PEMT: variants seen among roughly 807,000 people sequenced by gnomAD.
PEMT encodes phospholipid methyltransferase.
A neutral mutation model predicts 27.4 loss-of-function variants in PEMT; 23 were observed. The observed-to-expected ratio is 0.84, with a 90% CI of 0.60 to 1.19. The LOEUF is 1.19. Ranked by LOEUF, PEMT falls within the 50% of genes most tolerant of loss-of-function variation. The pLI, the probability that PEMT is intolerant of heterozygous loss-of-function variation, is 0.00. For missense variants in PEMT, 307 were observed against 310.1 expected, an observed-to-expected ratio of 0.99 and a Z score of 0.07; for synonymous variants, 137 against 139.1, an observed-to-expected ratio of 0.98 and a Z score of 0.11.
intron 2 of PEMT, among the ~76,000 whole-genome samples, chr17:17,537,509 C>T (rs7214152): frequency 0.13 from 20,258 of 152,228 alleles, 2,428 homozygotes; most frequent in African/African-American, 0.32. Context: ...GCCCAGCAGC[C>T]TGCAGGGGCC....
intron 2 of PEMT, among the ~76,000 whole-genome samples, chr17:17,536,388 G>A (rs1294448345): frequency 6.6e-6 from 1 of 152,162 alleles, no homozygotes; most frequent in African/African-American, 2.4e-5. Context: ...TGACTTCACG[G>A]GACCATCTCC....
At chr17:17,522,109 G>A (rs1567677764) in intron 3 of PEMT, among the ~76,000 whole-genome samples, 171 bp downstream of exon 3, 5 of 152,220 alleles carry the variant, frequency 3.3e-5, no homozygotes. Context: ...GCTGGCCAGA[G>A]TCTAAACGGC....
intron 1 of PEMT, chr17:17,578,622 T>C (rs770469466): frequency 2.0e-5 from 3 of 152,152 alleles, no homozygotes; most frequent in Non-Finnish European, 4.4e-5. Context: ...ATAAAATAAG[T>C]GTAAAGTTGT....
upstream of PEMT, chr17:17,591,961 A>G (rs1381384550): frequency 2.0e-6 from 2 of 985,302 alleles, no homozygotes; most frequent in South Asian, 4.7e-5. Flanking sequence ...CGAGCCTGTA[A>G]CTGACCTGGC....
At chr17:17,532,598 A>G (rs760324568) in intron 2 of PEMT, among the ~76,000 whole-genome samples, 28 of 152,266 alleles carry the variant, frequency 1.8e-4, no homozygotes, top group Non-Finnish European at 2.8e-4. Context: ...AAACTGATCT[A>G]GAGATTCAAT....
chr17:17,549,102 G>T (rs1909465060), intron 2 of PEMT, among the ~76,000 whole-genome samples: 1 of 152,108 alleles, frequency 6.6e-6, no homozygotes, highest in African/African-American at 2.4e-5. Context: ...GACCTCCCTG[G>T]GCTCAGATGA....
At chr17:17,573,653 G>T (rs1334499771) in intron 2 of PEMT, among the ~76,000 whole-genome samples, 3 of 152,112 alleles carry the variant, frequency 2.0e-5, no homozygotes, top group Non-Finnish European at 1.5e-5. Flanking sequence ...TCCCATCAGG[G>T]ACCTGAGCAT....
At chr17:17,545,846 G>A (rs1375289990) in intron 2 of PEMT, among the ~76,000 whole-genome samples, 1 of 152,152 alleles carries the variant, frequency 6.6e-6, no homozygotes, top group East Asian at 1.9e-4. Context: ...CTGATGTTTG[G>A]AGGTTCGTCC....
chr17:17,576,029 G>A (rs951101979), intron 2 of PEMT, among the ~76,000 whole-genome samples: 4 of 152,122 alleles, frequency 2.6e-5, no homozygotes, highest in African/African-American at 7.2e-5. Context: ...GATTAGCCTC[G>A]GGGGTGATCA....
At chr17:17,558,598 G>C (rs1271272480) in intron 2 of PEMT, among the ~76,000 whole-genome samples, 1 of 150,642 alleles carries the variant, frequency 6.6e-6, no homozygotes, top group Non-Finnish European at 1.5e-5. Flanking sequence ...TGGGAGGATC[G>C]CCTGAGCCCA....
intron 1 of PEMT, among the ~76,000 whole-genome samples, chr17:17,590,738 G>A (rs543115024): frequency 8.5e-5 from 13 of 152,394 alleles, no homozygotes; most frequent in Admixed American, 2.6e-4. Context: ...TTCATGAAGA[G>A]TGGGTGATGA....
At chr17:17,572,915 G>A (rs1432178748) in intron 2 of PEMT, among the ~76,000 whole-genome samples, 3 of 152,244 alleles carry the variant, frequency 2.0e-5, no homozygotes, top group African/African-American at 4.8e-5. Context: ...AGAGCCAGGC[G>A]TGGTGGCTCA....
chr17:17,590,476 T>G (rs1017830114), intron 1 of PEMT, among the ~76,000 whole-genome samples: 15 of 152,194 alleles, frequency 9.9e-5, no homozygotes, highest in African/African-American at 3.6e-4. Context: ...CATCAGCTAC[T>G]CTTCAAAACA....
Position 17,523,614 on chromosome 17 carries a change from G to A in PEMT, c.205-1219C>T, listed in dbSNP as rs1323426638. ...GCCAATTCTCCCAGAAGGTAAGCAG[G>A]CCCTAGTCCAGGTCTCAGCAGGTGG... On this transcript the variant is annotated intron_variant, in intron 2 of 6. Coordinates refer to ENST00000255389, the MANE Select transcript of PEMT (RefSeq NM_148172.3). This position sits in a 1 kb window ranked among gnomAD's most constrained non-coding sequence, Gnocchi z 4.8. 6.6e-6 allele frequency among the ~76,000 whole-genome samples: 1 copy of A among 152,120 alleles called. No individual in the cohort carries two copies. The highest frequency in any genetic ancestry group is 1.5e-5 in the Non-Finnish European group (1 of 68,022).
intron 2 of PEMT, among the ~76,000 whole-genome samples, chr17:17,558,541 C>G (rs1209347945): frequency 6.6e-6 from 1 of 151,538 alleles, no homozygotes; most frequent in South Asian, 2.1e-4. Flanking sequence ...AAAAAATTAG[C>G]CAGGCATGGT....
intron 3 of PEMT, among the ~76,000 whole-genome samples, chr17:17,515,197 T>C (rs1161937047): frequency 1.3e-5 from 2 of 152,186 alleles, no homozygotes; most frequent in African/African-American, 4.8e-5. Flanking sequence ...AGGGTTCCTC[T>C]GCCAGAATTC....
At chr17:17,544,170 G>T (rs1245110276) in intron 2 of PEMT, among the ~76,000 whole-genome samples, 1 of 152,122 alleles carries the variant, frequency 6.6e-6, no homozygotes, top group Non-Finnish European at 1.5e-5. Flanking sequence ...CACGAGGAAA[G>T]AACTTTATTT....
chr17:17,534,611 A>G (rs1470414542), intron 2 of PEMT, among the ~76,000 whole-genome samples: 1 of 152,208 alleles, frequency 6.6e-6, no homozygotes, highest in South Asian at 2.1e-4. Context: ...CCAAGGCAGG[A>G]GGATTGCTTG....
At chr17:17,579,144 G>A (rs537692064) in intron 1 of PEMT, among the ~76,000 whole-genome samples, 4 of 152,352 alleles carry the variant, frequency 2.6e-5, no homozygotes, top group Non-Finnish European at 4.4e-5. Flanking sequence ...GGGGGCAAGC[G>A]CAGCCTCCAC....
Sources: allele counts gnomAD v4.1 joint callset (sites outside exome capture counted in the v4.1 genomes callset), GRCh38; gene constraint gnomAD v4.1.1; non-coding constraint Gnocchi (gnomAD v3.1); transcripts MANE v1.5; gene names NCBI Gene and HGNC (gene_info 2026-07-23, HGNC 2026-07-21).